Variants in GALNT17 observed in about 807,000 individuals in gnomAD.
GALNT17 encodes UDP-GalNAc:polypeptide N-acetylgalactosaminyltransferase-like 3.
In GALNT17, 29 loss-of-function variants were observed where a neutral mutation model predicts 63.7. The ratio of observed to expected loss-of-function variants is 0.46; its 90% CI spans 0.34 to 0.62. The LOEUF is 0.62. Ranked by LOEUF, GALNT17 falls within the 20% of genes least tolerant of loss-of-function variation. The pLI is 0.01. For synonymous variants in GALNT17, 305 were observed against 318.3 expected (o/e 0.96, Z 0.45); for missense variants, 603 against 799.6 (o/e 0.75, Z 2.97).
intron 5 of GALNT17, 29 bp from the exon 6 acceptor site, chr7:71,571,256 T>G: frequency 8.4e-5 from 135 of 1,597,688 alleles, no homozygotes; most frequent in Non-Finnish European, 1.1e-4. Context: ...GACACCTCAA[T>G]GAGCTTCCCT....
intron 5 of GALNT17, among the ~76,000 whole-genome samples, chr7:71,483,909 CA>C (rs1245784601): frequency 6.6e-6 from 1 of 151,974 alleles, no homozygotes; most frequent in Non-Finnish European, 1.5e-5. Context: ...AAGACACGAA[CA>C]CACACATTAG....
At chr7:71,161,675 C>T (rs1412638300) in intron 1 of GALNT17, among the ~76,000 whole-genome samples, 3 of 151,992 alleles carry the variant, frequency 2.0e-5, no homozygotes, top group African/African-American at 7.2e-5. Flanking sequence ...TTGCATGTAA[C>T]TTTTTTTATA....
intron 5 of GALNT17, among the ~76,000 whole-genome samples, chr7:71,563,922 G>A (rs1789295569): frequency 1.3e-5 from 2 of 151,982 alleles, no homozygotes; most frequent in South Asian, 4.2e-4. Context: ...TGTACTTTTT[G>A]CTTTGTTGCC....
chr7:71,361,786 C>CAGAG (rs150967255), intron 2 of GALNT17, among the ~76,000 whole-genome samples: 6 of 149,028 alleles, frequency 4.0e-5, no homozygotes, highest in Non-Finnish European at 7.4e-5. Flanking sequence ...CAAATGAACT[C>CAGAG]AGAGAGAGAG....
At chr7:71,491,552 G>A (rs1788007995) in intron 5 of GALNT17, among the ~76,000 whole-genome samples, 3 of 152,192 alleles carry the variant, frequency 2.0e-5, no homozygotes, top group Admixed American at 2.0e-4. Flanking sequence ...GTGGAGAGAG[G>A]CAGGGTTCCC....
intron 1 of GALNT17, among the ~76,000 whole-genome samples, chr7:71,200,085 C>T (rs1349452057): frequency 2.0e-5 from 3 of 151,984 alleles, no homozygotes; most frequent in Non-Finnish European, 2.9e-5. Context: ...ATGTCTTTAA[C>T]CCAGTAAGTA....
intron 5 of GALNT17, among the ~76,000 whole-genome samples, chr7:71,491,110 C>T (rs1334143257): frequency 3.3e-5 from 5 of 152,116 alleles, no homozygotes; most frequent in African/African-American, 1.2e-4. Flanking sequence ...AGGAGAATCA[C>T]TTGAACCCAG....
chr7:71,327,644 A>T lies in GALNT17; in HGVS notation c.239-7906A>T, dbSNP rs550710446. 9.9e-5 allele frequency among the ~76,000 whole-genome samples: 15 copies of T among 152,258 alleles called. No homozygotes were observed. In the South Asian group the frequency reaches 3.1e-3, roughly 32 times the overall value. The stretch of plus-strand genomic sequence containing the variant: ...ACAGGTAGCACACTCAGAAGGGGCA[A>T]TTAAAGAGAGGTTACCAAAATATTT... On this transcript the variant is annotated intron_variant, in intron 1 of 10. Transcript: ENST00000333538.
intron 1 of GALNT17, among the ~76,000 whole-genome samples, chr7:71,165,219 G>C (rs1788414371): frequency 6.6e-6 from 1 of 152,220 alleles, no homozygotes; most frequent in African/African-American, 2.4e-5. Flanking sequence ...AGCTGGCACT[G>C]TCTTGAGGGC....
Position 71,377,114 on chromosome 7 carries a change from A to AAAAAAAATATATATATATATATAT in GALNT17, c.423-11120_423-11119insAAAAAATATATATATATATATATA. 7.0e-5 allele frequency among the ~76,000 whole-genome samples: 4 copies of AAAAAAAATATATATATATATATAT among 57,486 alleles called. 1 individual carries two copies. The highest frequency in any genetic ancestry group is 6.0e-5 in the Non-Finnish European group (2 of 33,278). The allele number at this position is 57,486 out of a possible 152,430, so 37.7% of individuals were successfully genotyped here. A position where few individuals can be genotyped will look rare whatever the true frequency, so the allele number is the denominator to read the frequency against. ...AAAAAAAAAAAATAAAAATAAAAAA[A>AAAAAAAATATATATATATATATAT]ATATATATATATATATATATATATA... On this transcript the variant is annotated intron_variant, in intron 2 of 10. Transcript: ENST00000333538.
chr7:71,477,049 C>T (rs953518181), intron 5 of GALNT17, among the ~76,000 whole-genome samples: 2 of 152,154 alleles, frequency 1.3e-5, no homozygotes, highest in African/African-American at 2.4e-5. Context: ...ATGAGTATTT[C>T]TGCTGACAGA....
Position 71,148,724 on chromosome 7 carries a change from G to A in GALNT17, c.238+15684G>A, listed in dbSNP as rs1300650880. On this transcript the variant is annotated intron_variant, in intron 1 of 10. Transcript: ENST00000333538. ...GACATTTTTACATCTCTGAAATTGG[G>A]AGTTATCTTATGATCAGTGACATGT... Among the ~76,000 whole-genome samples, 5 of 151,810 alleles carry A rather than the reference G, an allele frequency of 3.3e-5. No homozygotes were observed. The East Asian group carries it at 7.7e-4, about 23-fold the overall frequency.
chr7:71,337,884 C>CA (rs940305279), intron 2 of GALNT17, among the ~76,000 whole-genome samples: 25 of 151,746 alleles, frequency 1.6e-4, no homozygotes, highest in African/African-American at 5.8e-4. Context: ...AACAAACAAA[C>CA]AAACAAACAA....
intron 1 of GALNT17, among the ~76,000 whole-genome samples, chr7:71,154,603 G>A (rs1788196923): frequency 1.3e-5 from 2 of 152,146 alleles, no homozygotes; most frequent in Admixed American, 6.5e-5. Context: ...TGGAGACGGA[G>A]TCTCACTCTG....
At chr7:71,626,345 T>A (rs1023132651) in intron 6 of GALNT17, among the ~76,000 whole-genome samples, 1 of 152,088 alleles carries the variant, frequency 6.6e-6, no homozygotes, top group Non-Finnish European at 1.5e-5. Context: ...GCCTCAGATG[T>A]AACCACCCCT....
At chr7:71,585,475 A>T (rs573378683) in intron 6 of GALNT17, among the ~76,000 whole-genome samples, 54 of 152,326 alleles carry the variant, frequency 3.5e-4, no homozygotes, top group Non-Finnish European at 7.6e-4. Flanking sequence ...CTATTTGTGT[A>T]TTCTGAAATA....
chr7:71,133,472 A>T (rs1787725476), intron 1 of GALNT17, among the ~76,000 whole-genome samples: 1 of 152,104 alleles, frequency 6.6e-6, no homozygotes, highest in Non-Finnish European at 1.5e-5. Flanking sequence ...GAGGGCTTGG[A>T]TGTCTGCAGA....
intron 2 of GALNT17, among the ~76,000 whole-genome samples, chr7:71,377,122 T>A (rs1289520272): frequency 0.014 from 1,248 of 88,066 alleles, 171 homozygotes; most frequent in East Asian, 0.059. Context: ...AAAATATATA[T>A]ATATATATAT....
chr7:71,179,253 A>G (rs1166242525), intron 1 of GALNT17, among the ~76,000 whole-genome samples: 3 of 152,318 alleles, frequency 2.0e-5, no homozygotes, highest in South Asian at 2.1e-4. Context: ...AAAGAATGCA[A>G]CCATTTGTGT....
Sources: allele counts gnomAD v4.1 joint callset (sites outside exome capture counted in the v4.1 genomes callset), GRCh38; gene constraint gnomAD v4.1.1; transcripts MANE v1.5; gene names NCBI Gene and HGNC (gene_info 2026-07-23, HGNC 2026-07-21).